Variants in GAK observed in about 807,000 individuals in gnomAD.
GAK encodes cyclin-G-associated kinase.
GAK carries 79 observed loss-of-function variants against 143.9 expected under a neutral mutation model. The observed-to-expected ratio is 0.55, with a 90% CI of 0.46 to 0.66. The LOEUF (loss-of-function observed/expected upper bound fraction) is 0.66. Ranked by LOEUF, GAK falls within the 30% of genes least tolerant of loss-of-function variation. The pLI is 0.00. For synonymous variants in GAK, 881 were observed against 765.5 expected (o/e 1.15, Z -2.49); for missense variants, 1,693 against 1,779.7 (o/e 0.95, Z 0.88).
chr4:896,541 C>T lies in GAK; in HGVS notation c.660G>A (p.Arg220=). The T allele has an allele frequency of 6.2e-7, 1 of 1,611,378 alleles. No individual in the cohort carries two copies. ...GTGTTCTATACATTGGTGTTGTATT[C>T]CTCGTGATCTGAAAAAATACAAACA... ...RRALVEEEIT[R]NTTPMYRTPE... is the part of the protein sequence containing the mutation. Residue 220 remains arginine (R), a synonymous_variant, in exon 7 of 28, where the codon AGG becomes AGA. Transcript: ENST00000314167.
chr4:869,600 G>A (rs1322867909), intron 19 of GAK: 1 of 58,200 alleles, frequency 1.7e-5, no homozygotes, highest in Non-Finnish European at 3.1e-5. Context: ...TGCACACACA[G>A]CACATACACA....
At chr4:868,985 C>G (rs1175970897) in intron 19 of GAK, 3 of 407,416 alleles carry the variant, frequency 7.4e-6, no homozygotes, top group Non-Finnish European at 1.4e-5. Context: ...CACATGAATG[C>G]ACACACACAG....
At chr4:884,562 C>T (rs1287135689) in intron 11 of GAK, among the ~76,000 whole-genome samples, 3 of 152,230 alleles carry the variant, frequency 2.0e-5, no homozygotes, top group Non-Finnish European at 4.4e-5. Flanking sequence ...GAGAGGGCCC[C>T]CTGCCCTGAG....
chr4:870,912 T>G lies in GAK; in HGVS notation c.2055-8A>C. 1 of 1,605,472 alleles carries G rather than the reference T, an allele frequency of 6.2e-7. No homozygotes were observed. Among genetic ancestry groups the G allele is most frequent in the Non-Finnish European group, 8.5e-7 (1 of 1,175,290 alleles). On this transcript the variant is annotated splice_region_variant and splice_polypyrimidine_tract_variant and intron_variant, in intron 18 of 27. Transcript: ENST00000314167. ...CACGCGTCCAGGTCATACCTGCGGT[T>G]ACAAGTAGACACCACTTAGGAAGGC...
chr4:865,673 A>C (rs1200859927), intron 22 of GAK, among the ~76,000 whole-genome samples: 1 of 152,172 alleles, frequency 6.6e-6, no homozygotes, highest in East Asian at 1.9e-4. Context: ...GCCACGCAGC[A>C]CACCTCTGGC....
At chr4:917,644 C>T (rs1009386016) in intron 1 of GAK, among the ~76,000 whole-genome samples, 8 of 152,186 alleles carry the variant, frequency 5.3e-5, no homozygotes, top group East Asian at 1.9e-4. Flanking sequence ...GAAAGCAGGG[C>T]GAAGGGTTAC....
At position 895,010 on chromosome 4, in the gene GAK, TAAATA is replaced by T. The variant is rs768601093; in HGVS notation, c.742-1006_742-1002del. The stretch of plus-strand genomic sequence containing the variant: ...ATAAATAAATAAATAAATAAATAAA[TAAATA>T]AAGGTTCCTTTCAAAATTCCGGGGT... On this transcript the variant is annotated intron_variant, in intron 7 of 27. Coordinates refer to ENST00000314167, the MANE Select transcript of GAK (RefSeq NM_005255.4). 4.6e-3 allele frequency among the ~76,000 whole-genome samples: 308 copies of T among 66,872 alleles called. 2 individuals are homozygous for T. Among genetic ancestry groups the T allele is most frequent in the South Asian group, 0.029 (26 of 886 alleles). The allele number at this position is 66,872 out of a possible 152,430, so 43.9% of individuals were successfully genotyped here.
intron 12 of GAK, among the ~76,000 whole-genome samples, 157 bp downstream of exon 12, chr4:883,880 C>T (rs1029834233): frequency 1.3e-5 from 2 of 152,368 alleles, no homozygotes; most frequent in African/African-American, 4.8e-5. Flanking sequence ...TGAGCACAGG[C>T]CGCCTGCCTG....
chr4:854,692 A>G (rs1433486503), intron 24 of GAK, among the ~76,000 whole-genome samples: 1 of 152,212 alleles, frequency 6.6e-6, no homozygotes, highest in African/African-American at 2.4e-5. Context: ...TTGTGGCTTC[A>G]GAGTAAGCCT....
At chr4:888,584 G>C (rs1717014497) in intron 11 of GAK, 1 of 477,048 alleles carries the variant, frequency 2.1e-6, no homozygotes, top group African/African-American at 2.0e-5. Context: ...GGGCGACATT[G>C]CAGCAAGGGA....
At chr4:931,016 T>A (rs778859603) in intron 1 of GAK, among the ~76,000 whole-genome samples, 4 of 152,176 alleles carry the variant, frequency 2.6e-5, no homozygotes, top group Non-Finnish European at 5.9e-5. Flanking sequence ...TACAGCAGAA[T>A]AGAGTTACGC....
At chr4:862,218 A>G (rs1750413869) in intron 23 of GAK, among the ~76,000 whole-genome samples, 1 of 152,050 alleles carries the variant, frequency 6.6e-6, no homozygotes. Flanking sequence ...TCCGGCTGAG[A>G]TCACTGATGA....
chr4:920,135 C>T (rs1386258871), intron 1 of GAK, among the ~76,000 whole-genome samples: 2 of 151,884 alleles, frequency 1.3e-5, no homozygotes, highest in Non-Finnish European at 2.9e-5. Context: ...AGTGAGACCC[C>T]GTCTCTACTA....
At chr4:888,068 C>T (rs182490030) in intron 11 of GAK, 1 of 152,408 alleles carries the variant, frequency 6.6e-6, no homozygotes, top group East Asian at 1.9e-4. Flanking sequence ...ACAGTGATCA[C>T]AGCACAGAAC....
chr4:859,181 G>A (rs1409676612), intron 24 of GAK: 6 of 985,228 alleles, frequency 6.1e-6, no homozygotes, highest in African/African-American at 1.7e-5. Context: ...CACAGCGCCC[G>A]GGCCGGGCCT....
At position 890,469 on chromosome 4, in the gene GAK, T is replaced by C. The variant is rs1282178206; in HGVS notation, c.1081+63A>G. On this transcript the variant is annotated intron_variant, in intron 10 of 27. Coordinates refer to ENST00000314167, the MANE Select transcript of GAK (RefSeq NM_005255.4). Reference sequence around the variant, plus strand: ...GACCCCAGACTCCATCCCAATGTGCTGCGGGTGCCCGGGGTGCAGCAGGAG... The same window carrying C: ...GACCCCAGACTCCATCCCAATGTGCCGCGGGTGCCCGGGGTGCAGCAGGAG... 6 of 1,285,894 alleles carry C rather than the reference T, an allele frequency of 4.7e-6. No individual in the cohort carries two copies. The East Asian group carries it at 1.5e-4, about 32-fold the overall frequency. The allele number at this position is 1,285,894 out of a possible 1,614,324, so 79.7% of individuals were successfully genotyped here.
intron 10 of GAK, 116 bp from the exon 11 acceptor site, chr4:889,086 TC>T: frequency 7.7e-7 from 1 of 1,298,880 alleles, no homozygotes; most frequent in Non-Finnish European, 1.0e-6. Flanking sequence ...AGGCGCTCGG[TC>T]CCACCTCCCC....
chr4:883,408 A>G lies in GAK; in HGVS notation c.1311T>C (p.Asp437=). The G allele has an allele frequency of 1.9e-6, 3 of 1,613,810 alleles. No homozygotes were observed. The highest frequency in any genetic ancestry group is 2.5e-6 in the Non-Finnish European group (3 of 1,179,996). ...GCTTGGAGTCCAGGAACAACCGCACATCTTCGATGTTGTTTTTGAGCGCTG... is the reference window on the plus strand; with the variant it reads ...GCTTGGAGTCCAGGAACAACCGCACGTCTTCGATGTTGTTTTTGAGCGCTG... ...VESALKNNIE[D]VRLFLDSKHP... The change falls in exon 13 of 28, where the codon GAT becomes GAC. Residue 437 remains aspartate (D), a synonymous_variant. Transcript: ENST00000314167.
Position 893,942 on chromosome 4 carries a change from C to T in GAK, c.809G>A (p.Arg270Gln), listed in dbSNP as rs144664799. The T allele has an allele frequency of 5.0e-6, 8 of 1,613,024 alleles. No individual in the cohort carries two copies. Among genetic ancestry groups the T allele is most frequent in the Admixed American group, 1.7e-5 (1 of 59,956 alleles). The change falls in exon 8 of 28, where the codon CGA (arginine) becomes CAA (glutamine). Residue 270 changes from arginine to glutamine, a missense_variant. Physicochemically the swap from Arg to Gln is conservative, Grantham distance 43 (BLOSUM62 1). This residue lies in a region of GAK where 871 missense variants were observed against 991.0 expected (regional missense o/e 0.88). Transcript: ENST00000314167. ...QHPFEDGAKL[R>Q]IVNGKYSIPP... ...GATCGAGTACTTCCCATTGACTATT[C>T]GAAGTTTCGCTCCATCCTCAAAAGG... is the stretch of plus-strand genomic sequence containing the variant.
Sources: gnomAD v4.1 joint callset for allele counts (sites outside exome capture counted in the v4.1 genomes callset) on GRCh38, gnomAD v4.1.1 for gene constraint, gnomAD v4.1.1 regional missense constraint, MANE v1.5 for transcripts, NCBI Gene and HGNC (gene_info 2026-07-23, HGNC 2026-07-21) for gene names.